The following HS6ST3 variants were observed in gnomAD, a reference collection of about 807,000 sequenced individuals.
HS6ST3 encodes heparan sulfate 6-O-sulfotransferase 3.
Under a neutral mutation model 36.7 loss-of-function variants are expected in HS6ST3, and 12 were observed. That is an observed-to-expected ratio of 0.33 (90% CI 0.21 to 0.53). The LOEUF is 0.53. Among genes scored for constraint, HS6ST3 ranks in the 20% least tolerant of loss-of-function variants. HS6ST3 has a pLI of 0.95. For missense variants in HS6ST3, 584 were observed against 640.9 expected (o/e 0.91, Z 0.96); for synonymous variants, 240 against 257.5 (o/e 0.93, Z 0.65).
At chr13:96,437,330 A>AG (rs1447889822) in intron 1 of HS6ST3, among the ~76,000 whole-genome samples, 11 of 152,162 alleles carry the variant, frequency 7.2e-5, no homozygotes, top group Non-Finnish European at 1.5e-4. Flanking sequence ...GTTGCTCATG[A>AG]TACTAATTGC....
chr13:96,272,591 T>A (rs2054726541), intron 1 of HS6ST3, among the ~76,000 whole-genome samples: 1 of 152,024 alleles, frequency 6.6e-6, no homozygotes, highest in Non-Finnish European at 1.5e-5. Context: ...AAAGTTCCAG[T>A]AGCTATAATG....
intron 1 of HS6ST3, among the ~76,000 whole-genome samples, chr13:96,316,494 T>C (rs1053620032): frequency 3.3e-5 from 5 of 152,142 alleles, no homozygotes; most frequent in Non-Finnish European, 7.4e-5. Flanking sequence ...CCTGTGAAGA[T>C]GAAATGCAGC....
At chr13:96,609,579 G>A (rs1488678867) in intron 1 of HS6ST3, among the ~76,000 whole-genome samples, 3 of 152,070 alleles carry the variant, frequency 2.0e-5, no homozygotes, top group African/African-American at 7.2e-5. Flanking sequence ...TATTGACGAG[G>A]TCTCTGTCAG....
intron 1 of HS6ST3, among the ~76,000 whole-genome samples, chr13:96,769,309 A>C (rs1305808216): frequency 6.6e-6 from 1 of 151,894 alleles, no homozygotes; most frequent in Non-Finnish European, 1.5e-5. Flanking sequence ...TTATTTTTTT[A>C]TTATACTTTA....
At chr13:96,163,064 T>G (rs1839175277) in intron 1 of HS6ST3, among the ~76,000 whole-genome samples, 1 of 152,114 alleles carries the variant, frequency 6.6e-6, no homozygotes, top group African/African-American at 2.4e-5. Flanking sequence ...GGAATGATCA[T>G]AGCTGCGAAT....
chr13:96,580,022 T>A (rs2138968107), intron 1 of HS6ST3, among the ~76,000 whole-genome samples: 1 of 152,248 alleles, frequency 6.6e-6, no homozygotes, highest in South Asian at 2.1e-4. Context: ...TTTCTTCAAC[T>A]TTTATTTACT....
At chr13:96,367,502 G>C (rs1246979988) in intron 1 of HS6ST3, among the ~76,000 whole-genome samples, 1 of 152,060 alleles carries the variant, frequency 6.6e-6, no homozygotes, top group South Asian at 2.1e-4. Context: ...TATGACACTG[G>C]TACACTCTTA....
At chr13:96,737,758 A>G (rs1035523646) in intron 1 of HS6ST3, among the ~76,000 whole-genome samples, 9 of 151,876 alleles carry the variant, frequency 5.9e-5, no homozygotes, top group African/African-American at 2.2e-4. Context: ...GAAGGTTTAT[A>G]TGTTATTTTA....
At chr13:96,476,397 C>T (rs1034351069) in intron 1 of HS6ST3, among the ~76,000 whole-genome samples, 2 of 152,158 alleles carry the variant, frequency 1.3e-5, no homozygotes, top group Non-Finnish European at 2.9e-5. Flanking sequence ...GAGTCTTCCT[C>T]TGTCACCCAG....
rs114499661 is a variant in HS6ST3 at position 96,259,913 on chromosome 13, G to A, written c.707+168344G>A. On this transcript the variant is annotated intron_variant, in intron 1 of 1. Coordinates refer to ENST00000376705, the MANE Select transcript of HS6ST3 (RefSeq NM_153456.4). Reference sequence around the variant, plus strand: ...TTCTATTATAAAGTTTAAACTGTTGGCTGCATTAAACCATGATTTGGGTAT... The same window carrying A: ...TTCTATTATAAAGTTTAAACTGTTGACTGCATTAAACCATGATTTGGGTAT... Among the ~76,000 whole-genome samples, 666 of 151,414 alleles carry A rather than the reference G, an allele frequency of 4.4e-3. 8 individuals carry two copies. The highest frequency in any genetic ancestry group is 0.015 in the African/African-American group (637 of 41,238).
chr13:96,832,925 C>T lies in HS6ST3; in HGVS notation c.1143C>T (p.Ile381=). The change falls in exon 2 of 2, where the codon ATC becomes ATT. Residue 381 remains isoleucine, a synonymous_variant. Coordinates refer to ENST00000376705, the MANE Select transcript of HS6ST3 (RefSeq NM_153456.4). The part of the protein sequence containing the change: ...KFISPFTQFN[I]TRASNVEINE... ...TCTCCCCCTTCACACAGTTCAACATCACGCGGGCTTCTAACGTGGAGATCA... is the reference window on the plus strand; with the variant it reads ...TCTCCCCCTTCACACAGTTCAACATTACGCGGGCTTCTAACGTGGAGATCA... The T allele has an allele frequency of 6.2e-7, 1 of 1,614,204 alleles. No homozygotes were observed. Among genetic ancestry groups the T allele is most frequent in the Non-Finnish European group, 8.5e-7 (1 of 1,180,028 alleles).
At chr13:96,267,795 G>A (rs2054699604) in intron 1 of HS6ST3, among the ~76,000 whole-genome samples, 1 of 151,986 alleles carries the variant, frequency 6.6e-6, no homozygotes, top group Non-Finnish European at 1.5e-5. Context: ...GAGAGGACAG[G>A]GAAGTAGGCA....
At chr13:96,372,200 C>T (rs1297213470) in intron 1 of HS6ST3, among the ~76,000 whole-genome samples, 1 of 152,122 alleles carries the variant, frequency 6.6e-6, no homozygotes, top group African/African-American at 2.4e-5. Flanking sequence ...AGTGATATCC[C>T]ATTATGATCT....
At chr13:96,508,073 G>C (rs928422828) in intron 1 of HS6ST3, among the ~76,000 whole-genome samples, 2 of 152,064 alleles carry the variant, frequency 1.3e-5, no homozygotes, top group African/African-American at 4.8e-5. Flanking sequence ...CTGTGAAAGA[G>C]GAGGAAATTA....
intron 1 of HS6ST3, among the ~76,000 whole-genome samples, chr13:96,756,255 A>C (rs1876829534): frequency 6.6e-6 from 1 of 152,204 alleles, no homozygotes; most frequent in African/African-American, 2.4e-5. Flanking sequence ...TATATTCTGC[A>C]TACAAATCCT....
chr13:96,586,783 T>C (rs2056363053), intron 1 of HS6ST3, among the ~76,000 whole-genome samples: 1 of 152,188 alleles, frequency 6.6e-6, no homozygotes, highest in African/African-American at 2.4e-5. Context: ...TTTTCTTTGC[T>C]GTGCAGAAGA....
intron 1 of HS6ST3, among the ~76,000 whole-genome samples, chr13:96,711,139 G>T (rs1411924299): frequency 1.3e-5 from 2 of 152,060 alleles, no homozygotes; most frequent in Admixed American, 6.6e-5. Context: ...CTCCGCTCTT[G>T]CATCTTTCTT....
intron 1 of HS6ST3, among the ~76,000 whole-genome samples, chr13:96,701,070 C>T (rs1359190853): frequency 1.3e-5 from 2 of 152,064 alleles, no homozygotes; most frequent in Non-Finnish European, 2.9e-5. Flanking sequence ...TTAAGCAGAA[C>T]AATTTTTTAG....
intron 1 of HS6ST3, among the ~76,000 whole-genome samples, chr13:96,124,248 C>T (rs1264003072): frequency 6.6e-6 from 1 of 152,098 alleles, no homozygotes; most frequent in Non-Finnish European, 1.5e-5. Flanking sequence ...AATAGCGATG[C>T]TAGGTGTGAA....
Sources: gnomAD v4.1 joint callset for allele counts (sites outside exome capture counted in the v4.1 genomes callset) on GRCh38, gnomAD v4.1.1 for gene constraint, MANE v1.5 for transcripts, NCBI Gene and HGNC (gene_info 2026-07-23, HGNC 2026-07-21) for gene names.